The following ADAM32 variants were observed in gnomAD, a reference collection of about 807,000 sequenced individuals.
The protein encoded by ADAM32 is disintegrin and metalloproteinase domain-containing protein 32.
In ADAM32, 89 loss-of-function variants were observed where a neutral mutation model predicts 114.9. The observed-to-expected ratio is 0.77, with a 90% confidence interval of 0.65 to 0.92. The LOEUF (loss-of-function observed/expected upper bound fraction) is 0.92. ADAM32 is among the 40% of genes least tolerant of loss of function. The pLI is 0.00. For synonymous variants in ADAM32, 285 were observed against 307.5 expected, an observed-to-expected ratio of 0.93 and a Z score of 0.77; for missense variants, 870 against 932.8, an observed-to-expected ratio of 0.93 and a Z score of 0.88.
intron 16 of ADAM32, among the ~76,000 whole-genome samples, chr8:39,238,453 C>T (rs1357306491): frequency 6.6e-6 from 1 of 152,168 alleles, no homozygotes; most frequent in Non-Finnish European, 1.5e-5. Flanking sequence ...CAGATCTTTC[C>T]TCTAACATAG....
chr8:39,230,419 T>C (rs1809662846), intron 14 of ADAM32, among the ~76,000 whole-genome samples: 1 of 152,166 alleles, frequency 6.6e-6, no homozygotes, highest in African/African-American at 2.4e-5. Flanking sequence ...ACTAATAAAA[T>C]TGAGTTGGTT....
chr8:39,192,270 G>A (rs918344381), intron 11 of ADAM32, among the ~76,000 whole-genome samples: 7 of 152,048 alleles, frequency 4.6e-5, no homozygotes, highest in Non-Finnish European at 1.0e-4. Flanking sequence ...ATTATGTAAT[G>A]CCCTTCTTTG....
At chr8:39,115,180 C>A (rs6474107) in intron 1 of ADAM32, among the ~76,000 whole-genome samples, 71,412 of 151,994 alleles carry the variant, frequency 0.47, 17,501 homozygotes, top group African/African-American at 0.61. Context: ...AATGAATATA[C>A]GTGTGCATGT....
At chr8:39,221,474 GT>G (rs778190076) in intron 12 of ADAM32, 135 bp from the exon 13 acceptor site, 8 of 659,136 alleles carry the variant, frequency 1.2e-5, no homozygotes, top group African/African-American at 1.8e-5. Context: ...ATTTAAAGAT[GT>G]TAAAACCTGT....
At chr8:39,191,079 T>C (rs1806571930) in intron 11 of ADAM32, among the ~76,000 whole-genome samples, 1 of 152,216 alleles carries the variant, frequency 6.6e-6, no homozygotes, top group East Asian at 1.9e-4. Flanking sequence ...GCAAAAAACA[T>C]GATCTCATTC....
At chr8:39,270,057 A>G (rs1208004549) in intron 19 of ADAM32, among the ~76,000 whole-genome samples, 1 of 152,178 alleles carries the variant, frequency 6.6e-6, no homozygotes, top group Non-Finnish European at 1.5e-5. Flanking sequence ...GCATGGGGGA[A>G]ACCACTACCG....
In ADAM32 at chr8:39,149,862, A is replaced by G. The variant is rs866635906; in HGVS notation, c.348A>G (p.Gly116=). 6.2e-7 allele frequency: 1 copy of G among 1,607,312 alleles called. No individual in the cohort carries two copies. The highest frequency in any genetic ancestry group is 8.5e-7 in the Non-Finnish European group (1 of 1,175,840). The change falls in exon 5 of 25, where the codon GGA becomes GGG. Residue 116 remains glycine, a synonymous_variant. Transcript: ENST00000379907. ...DSMVTLSTCS[G]LRGILQFENV... ...TGGTCACACTCAGCACGTGCTCTGG[A>G]CTAAGGTTGTTTTCTGTTGTTGATT... is the stretch of plus-strand genomic sequence containing the variant.
At chr8:39,199,361 C>G (rs979956808) in intron 11 of ADAM32, among the ~76,000 whole-genome samples, 4 of 152,074 alleles carry the variant, frequency 2.6e-5, no homozygotes, top group Admixed American at 2.6e-4. Flanking sequence ...TTCCTGTATG[C>G]TGTTTCATGT....
At chr8:39,158,575 G>T (rs1221555512) in intron 6 of ADAM32, 1 of 344,614 alleles carries the variant, frequency 2.9e-6, no homozygotes. Flanking sequence ...AAAGCTGTGA[G>T]GTGGACCAGT....
chr8:39,244,878 T>C (rs1267587523), intron 16 of ADAM32, among the ~76,000 whole-genome samples: 1 of 152,136 alleles, frequency 6.6e-6, no homozygotes, highest in Non-Finnish European at 1.5e-5. Context: ...AAGACTTAAA[T>C]ATAACACCTG....
intron 19 of ADAM32, among the ~76,000 whole-genome samples, chr8:39,264,420 CT>C (rs1191981027): frequency 6.6e-6 from 1 of 152,022 alleles, no homozygotes; most frequent in Non-Finnish European, 1.5e-5. Context: ...TTGGTCATTT[CT>C]TAGTGTGGTT....
chr8:39,149,759 T>G (rs1367197256), intron 4 of ADAM32, 32 bp from the exon 5 acceptor site: 1 of 1,509,288 alleles, frequency 6.6e-7, no homozygotes, highest in South Asian at 1.2e-5. Flanking sequence ...TGTTACTTCC[T>G]AAGTGACTAC....
At chr8:39,113,815 G>C (rs191654055) in intron 1 of ADAM32, among the ~76,000 whole-genome samples, 1 of 152,124 alleles carries the variant, frequency 6.6e-6, no homozygotes, top group Non-Finnish European at 1.5e-5. Flanking sequence ...TCTGAGCTAC[G>C]ACAGGACAGT....
intron 10 of ADAM32, among the ~76,000 whole-genome samples, chr8:39,181,624 T>A (rs1446165676): frequency 6.6e-6 from 1 of 152,214 alleles, no homozygotes; most frequent in South Asian, 2.1e-4. Context: ...TGTATCATAT[T>A]TTTGCCAAGT....
intron 17 of ADAM32, among the ~76,000 whole-genome samples, chr8:39,248,817 T>C (rs965290134): frequency 6.6e-6 from 1 of 152,152 alleles, no homozygotes; most frequent in Non-Finnish European, 1.5e-5. Context: ...CTGTAGGTTT[T>C]TTTGTTTGAT....
Position 39,275,816 on chromosome 8 carries a change from G to C in ADAM32, c.2241-12G>C. 6.5e-7 allele frequency: 1 copy of C among 1,550,266 alleles called. No homozygotes were observed. Among genetic ancestry groups the C allele is most frequent in the Non-Finnish European group, 8.7e-7 (1 of 1,146,480 alleles). On this transcript the variant is annotated splice_polypyrimidine_tract_variant and intron_variant, in intron 21 of 24. Transcript: ENST00000379907. ...ATTAACGTGGAAGCATTACTTTTTC[G>C]CTTTCTTTTAGAACCAGATCAGAAA...
At chr8:39,249,483 G>T (rs1306489016) in intron 17 of ADAM32, among the ~76,000 whole-genome samples, 1 of 152,014 alleles carries the variant, frequency 6.6e-6, no homozygotes, top group Non-Finnish European at 1.5e-5. Context: ...CTATGGTTTT[G>T]ATGTTAGGGT....
At chr8:39,153,305 A>G (rs1281360067) in intron 6 of ADAM32, among the ~76,000 whole-genome samples, 1 of 152,208 alleles carries the variant, frequency 6.6e-6, no homozygotes, top group Non-Finnish European at 1.5e-5. Flanking sequence ...CTAATTTACA[A>G]TGACTGAGAT....
intron 1 of ADAM32, among the ~76,000 whole-genome samples, chr8:39,117,357 T>C (rs1840421445): frequency 6.6e-6 from 1 of 152,170 alleles, no homozygotes; most frequent in African/African-American, 2.4e-5. Flanking sequence ...TAAGATTTTT[T>C]TTTCTCACTG....
Sources: gnomAD v4.1 joint callset for allele counts (sites outside exome capture counted in the v4.1 genomes callset) on GRCh38, gnomAD v4.1.1 for gene constraint, MANE v1.5 for transcripts, NCBI Gene and HGNC (gene_info 2026-07-23, HGNC 2026-07-21) for gene names.